The following SLFN12 variants were observed in gnomAD, a reference collection of about 807,000 sequenced individuals.
The protein encoded by SLFN12 is schlafen family member 12.
Under a neutral mutation model 29.1 loss-of-function variants are expected in SLFN12, and 25 were observed. That is an observed-to-expected ratio of 0.86 (90% CI 0.63 to 1.20). The LOEUF (loss-of-function observed/expected upper bound fraction) is 1.20. SLFN12 is among the 50% of genes most tolerant of loss of function. The pLI is 0.00. For missense variants in SLFN12, 660 were observed against 666.2 expected (o/e 0.99, Z 0.10); for synonymous variants, 257 against 238.7 (o/e 1.08, Z -0.71).
At position 35,432,439 on chromosome 17, in the gene SLFN12, C is replaced by G. The variant is rs7220689; in HGVS notation, c.-292G>C. 0.14 allele frequency: 20,607 copies of G among 152,114 alleles called. 2,154 individuals are homozygous for G. Among genetic ancestry groups the G allele is most frequent in the African/African-American group, 0.27 (11,387 of 41,462 alleles). 9.4% of individuals were successfully genotyped at this position (152,114 alleles called of 1,614,324 possible). A position where few individuals can be genotyped will look rare whatever the true frequency, so the allele number is the denominator to read the frequency against. On this transcript the variant is annotated 5_prime_UTR_variant, in exon 1 of 4. Coordinates refer to ENST00000304905, the MANE Select transcript of SLFN12 (RefSeq NM_018042.5). ...GTTTTCCCACTGGTTACTTGGTGTG[C>G]ACACAATGTAAATGAAATAGGAGCC...
intron 1 of SLFN12, among the ~76,000 whole-genome samples, chr17:35,426,795 G>A (rs565794504): frequency 3.3e-5 from 5 of 152,230 alleles, no homozygotes; most frequent in East Asian, 1.9e-4. Flanking sequence ...GTCTTCTCAG[G>A]TCTTTTCTGA....
intron 1 of SLFN12, 115 bp from the exon 2 acceptor site, chr17:35,423,183 A>T (rs959479523): frequency 1.7e-6 from 2 of 1,201,722 alleles, no homozygotes; most frequent in Non-Finnish European, 2.2e-6. Flanking sequence ...TAGACTGGTA[A>T]GTATATGGAT....
chr17:35,413,068 TA>T lies in SLFN12; in HGVS notation c.1148-1142del, dbSNP rs376485425. On this transcript the variant is annotated intron_variant, in intron 3 of 3. Coordinates refer to ENST00000304905, the MANE Select transcript of SLFN12 (RefSeq NM_018042.5). Reference sequence around the variant, plus strand: ...AGCAAAAGTCCGAACTCAAACTCAATAAAAAAAAAAAAGGTAAAAACAGAAG... The same window carrying T: ...AGCAAAAGTCCGAACTCAAACTCAATAAAAAAAAAAAGGTAAAAACAGAAG... 1.3e-3 allele frequency among the ~76,000 whole-genome samples: 152 copies of T among 112,946 alleles called. 1 individual carries two copies. The highest frequency in any genetic ancestry group is 0.01 in the East Asian group (36 of 3,596). 74.1% of individuals were successfully genotyped at this position (112,946 alleles called of 152,430 possible).
At chr17:35,432,727 A>C (rs934700928), upstream of SLFN12, among the ~76,000 whole-genome samples, 3 of 152,166 alleles carry the variant, frequency 2.0e-5, no homozygotes, top group Admixed American at 6.5e-5. Flanking sequence ...ATTTTCCTCC[A>C]GACCCTTATT....
At chr17:35,424,887 T>G (rs1365184445) in intron 1 of SLFN12, among the ~76,000 whole-genome samples, 1 of 152,168 alleles carries the variant, frequency 6.6e-6, no homozygotes, top group Non-Finnish European at 1.5e-5. Context: ...TGTGTTTTTT[T>G]GAAACTTGTA....
chr17:35,425,838 CTTTTTTT>C (rs58492425), intron 1 of SLFN12, among the ~76,000 whole-genome samples: 6 of 39,158 alleles, frequency 1.5e-4, no homozygotes, highest in East Asian at 7.9e-4. Context: ...CTTTTCTTTT[CTTTTTTT>C]TTTTTTTTTT....
intron 3 of SLFN12, among the ~76,000 whole-genome samples, chr17:35,419,213 CTCTTATGCA>C (rs1314188189): frequency 1.4e-4 from 22 of 152,182 alleles, no homozygotes; most frequent in African/African-American, 4.8e-4. Context: ...ATAGAAGGAT[CTCTTATGCA>C]AGGCACAAAG....
rs902028386 is a variant in SLFN12, at chr17:35,429,314, G to A, written c.-41+2874C>T. ...ACCCAGCGCTTGTGAACTAGCCTGGGATCCCGGTCACCCCAGTCCAACATC... is the reference window on the plus strand; with the variant it reads ...ACCCAGCGCTTGTGAACTAGCCTGGAATCCCGGTCACCCCAGTCCAACATC... On this transcript the variant is annotated intron_variant, in intron 1 of 3. Coordinates refer to ENST00000304905, the MANE Select transcript of SLFN12 (RefSeq NM_018042.5). 7.4e-4 allele frequency among the ~76,000 whole-genome samples: 112 copies of A among 152,006 alleles called. 3 individuals carry two copies. Among genetic ancestry groups the A allele is most frequent in the Non-Finnish European group, 3.2e-4 (22 of 67,996 alleles).
rs373947716 is a variant in SLFN12, at chr17:35,414,555, C to T, written c.1148-2628G>A. 3.3e-4 allele frequency among the ~76,000 whole-genome samples: 50 copies of T among 152,004 alleles called. 1 individual carries two copies. Among genetic ancestry groups the T allele is most frequent in the South Asian group, 2.9e-3 (14 of 4,818 alleles). On this transcript the variant is annotated intron_variant, in intron 3 of 3. Transcript: ENST00000304905. ...TACCCAAAGTGATCTACAGATTCAA[C>T]GAAAACCCTATCAAAATTCCCATGT...
At chr17:35,419,424 T>A (rs555923051) in intron 3 of SLFN12, among the ~76,000 whole-genome samples, 50 of 151,888 alleles carry the variant, frequency 3.3e-4, no homozygotes, top group Admixed American at 5.9e-4. Context: ...TATAAATCAA[T>A]AAGAAAAAGA....
At chr17:35,415,828 A>T (rs1036673314) in intron 3 of SLFN12, among the ~76,000 whole-genome samples, 11 of 152,152 alleles carry the variant, frequency 7.2e-5, no homozygotes, top group African/African-American at 2.7e-4. Context: ...CACCTGCAAG[A>T]ATGGCCATAA....
At chr17:35,431,074 C>T (rs1199416318) in intron 1 of SLFN12, among the ~76,000 whole-genome samples, 1 of 152,034 alleles carries the variant, frequency 6.6e-6, no homozygotes, top group Non-Finnish European at 1.5e-5. Flanking sequence ...ATGGGAAAAG[C>T]TTTTATACAA....
At chr17:35,423,261 G>C (rs1911814326) in intron 1 of SLFN12, among the ~76,000 whole-genome samples, 193 bp from the exon 2 acceptor site, 1 of 152,044 alleles carries the variant, frequency 6.6e-6, no homozygotes, top group South Asian at 2.1e-4. Context: ...TTTCAAATTT[G>C]TTACTATAGT....
chr17:35,430,656 G>T (rs1460325502), intron 1 of SLFN12: 2 of 152,110 alleles, frequency 1.3e-5, no homozygotes. Context: ...TTATTATGAT[G>T]ACTATTGGGA....
intron 2 of SLFN12, 134 bp from the exon 3 acceptor site, chr17:35,420,515 G>T: frequency 3.5e-6 from 2 of 570,720 alleles, no homozygotes; most frequent in Non-Finnish European, 6.0e-6. Flanking sequence ...TAGATATTGT[G>T]GTTAGATTCT....
At chr17:35,425,937 C>T (rs560911274) in intron 1 of SLFN12, among the ~76,000 whole-genome samples, 6 of 131,530 alleles carry the variant, frequency 4.6e-5, no homozygotes, top group Middle Eastern at 8.9e-3. Context: ...CAATGGTTCT[C>T]TTTTCTCTAC....
At chr17:35,418,101 C>T (rs1911421139) in intron 3 of SLFN12, among the ~76,000 whole-genome samples, 1 of 151,996 alleles carries the variant, frequency 6.6e-6, no homozygotes, top group South Asian at 2.1e-4. Context: ...GGCATTTAAG[C>T]AGATTCTAAA....
chr17:35,426,207 T>C (rs191970599), intron 1 of SLFN12, among the ~76,000 whole-genome samples: 1 of 152,014 alleles, frequency 6.6e-6, no homozygotes, highest in Non-Finnish European at 1.5e-5. Flanking sequence ...TCTTATCAGA[T>C]GTATGGTTTA....
intron 3 of SLFN12, among the ~76,000 whole-genome samples, chr17:35,419,333 A>T (rs957347482): frequency 6.6e-6 from 1 of 152,116 alleles, no homozygotes; most frequent in Non-Finnish European, 1.5e-5. Context: ...AATGCAAGCC[A>T]CCAGCTTGGA....
Sources: gnomAD v4.1 joint callset for allele counts (sites outside exome capture counted in the v4.1 genomes callset) on GRCh38, gnomAD v4.1.1 for gene constraint, MANE v1.5 for transcripts, NCBI Gene and HGNC (gene_info 2026-07-23, HGNC 2026-07-21) for gene names.